The following TMEM132B variants were observed in gnomAD, a reference collection of about 807,000 sequenced individuals.
TMEM132B encodes transmembrane protein 132B.
In TMEM132B, 18 loss-of-function variants were observed where a neutral mutation model predicts 90.8. The observed-to-expected ratio is 0.20, with a 90% CI of 0.14 to 0.29. TMEM132B has a LOEUF of 0.29. Ranked by LOEUF, TMEM132B falls within the 10% of genes least tolerant of loss-of-function variation. The pLI is 1.00. For missense variants in TMEM132B, 1,096 were observed against 1,326.8 expected (o/e 0.83, Z 2.70); for synonymous variants, 504 against 523.3 (o/e 0.96, Z 0.50).
intron 3 of TMEM132B, among the ~76,000 whole-genome samples, chr12:125,463,762 T>C (rs1348821469): frequency 1.3e-5 from 2 of 152,190 alleles, no homozygotes; most frequent in Non-Finnish European, 2.9e-5. Flanking sequence ...TTAATATTCA[T>C]CCCTATTAGT....
chr12:125,584,535 A>AT (rs972657241), intron 5 of TMEM132B: 1 of 152,740 alleles, frequency 6.5e-6, no homozygotes, highest in Non-Finnish European at 1.5e-5. Context: ...GGTGTATTAC[A>AT]TTTTTTGTTA....
rs117959696 is a variant in TMEM132B, at chr12:125,434,224, G to C, written c.1106+18547G>C. ...CAGCCACGGTCACGTCTCATTCTCC[G>C]ACCCTGACGCTCCTGTCCCCCTCTA... is the stretch of plus-strand genomic sequence containing the variant. On this transcript the variant is annotated intron_variant, in intron 3 of 8. Transcript: ENST00000682704. Among the ~76,000 whole-genome samples the C allele has an allele frequency of 4.6e-3, 698 of 152,186 alleles. 14 individuals are homozygous for C. The East Asian group carries it at 0.047, about 10-fold the overall frequency.
intron 2 of TMEM132B, among the ~76,000 whole-genome samples, chr12:125,367,580 G>A (rs1463117646): frequency 1.6e-4 from 25 of 152,008 alleles, no homozygotes; most frequent in Non-Finnish European, 1.5e-5. Flanking sequence ...AATCCCAACT[G>A]CATTTTTTTC....
chr12:125,293,001 T>A (rs1340937003), intron 1 of TMEM132B, among the ~76,000 whole-genome samples: 1 of 152,222 alleles, frequency 6.6e-6, no homozygotes, highest in East Asian at 1.9e-4. Context: ...GAACAATGGA[T>A]ATTTAATTGA....
chr12:125,252,483 G>A (rs1266625738), intron 1 of TMEM132B, among the ~76,000 whole-genome samples: 1 of 152,184 alleles, frequency 6.6e-6, no homozygotes, highest in East Asian at 1.9e-4. Context: ...ACAAGCAGGT[G>A]TCGTGCGCTG....
At chr12:125,211,826 T>G (rs1391263050) in intron 1 of TMEM132B, among the ~76,000 whole-genome samples, 2 of 152,238 alleles carry the variant, frequency 1.3e-5, no homozygotes, top group Non-Finnish European at 2.9e-5. Context: ...TGACCCTGCC[T>G]TTAACCATCT....
chr12:125,216,929 G>T (rs1356591904), intron 1 of TMEM132B, among the ~76,000 whole-genome samples: 1 of 152,212 alleles, frequency 6.6e-6, no homozygotes, highest in Non-Finnish European at 1.5e-5. Flanking sequence ...GTGGCCACTG[G>T]CTGCGATCTT....
At chr12:125,300,426 T>G (rs906315340) in intron 1 of TMEM132B, among the ~76,000 whole-genome samples, 1 of 152,092 alleles carries the variant, frequency 6.6e-6, no homozygotes, top group Non-Finnish European at 1.5e-5. Flanking sequence ...AGCCCCCAAG[T>G]GGCATCAGAT....
intron 4 of TMEM132B, among the ~76,000 whole-genome samples, chr12:125,563,147 GTAATAATAATAATAATAATAA>G (rs143547141): frequency 5.8e-5 from 8 of 138,432 alleles, no homozygotes; most frequent in Non-Finnish European, 1.1e-4. Flanking sequence ...ACCATAATGC[GTAATAATAATAATAATAATAA>G]TAATAATAAT....
intron 1 of TMEM132B, among the ~76,000 whole-genome samples, chr12:125,331,134 G>T (rs1876755656): frequency 6.6e-6 from 1 of 152,226 alleles, no homozygotes; most frequent in African/African-American, 2.4e-5. Flanking sequence ...TGCGGAGGAG[G>T]GAGCCGGACT....
intron 4 of TMEM132B, among the ~76,000 whole-genome samples, chr12:125,554,334 A>T (rs987167402): frequency 6.9e-6 from 1 of 145,100 alleles, no homozygotes; most frequent in South Asian, 2.4e-4. Context: ...CTGAGGCAGG[A>T]GAATGGCGTG....
intron 1 of TMEM132B, among the ~76,000 whole-genome samples, chr12:125,316,327 G>T (rs1032697972): frequency 2.0e-5 from 3 of 152,152 alleles, no homozygotes; most frequent in Admixed American, 1.3e-4. Context: ...AGCTCCTGGT[G>T]GGGGGCGGGA....
chr12:125,208,191 A>G (rs1376475136), intron 1 of TMEM132B, among the ~76,000 whole-genome samples: 3 of 152,202 alleles, frequency 2.0e-5, no homozygotes, highest in African/African-American at 7.2e-5. Context: ...TGTAACTAGT[A>G]TCAGTTAGGC....
chr12:125,350,970 T>G (rs2136234668), intron 2 of TMEM132B, among the ~76,000 whole-genome samples: 1 of 152,370 alleles, frequency 6.6e-6, no homozygotes, highest in Non-Finnish European at 1.5e-5. Flanking sequence ...GCTAGCCTTA[T>G]GCTGCTAGAA....
chr12:125,485,371 G>T (rs1290066069), intron 3 of TMEM132B, among the ~76,000 whole-genome samples: 1 of 151,818 alleles, frequency 6.6e-6, no homozygotes, highest in Non-Finnish European at 1.5e-5. Context: ...CTTTCATTCC[G>T]CCACCACAAC....
chr12:125,221,543 A>G (rs953317849), intron 1 of TMEM132B, among the ~76,000 whole-genome samples: 1 of 152,236 alleles, frequency 6.6e-6, no homozygotes, highest in African/African-American at 2.4e-5. Flanking sequence ...CAAATGTTCA[A>G]ACAACCACAG....
At chr12:125,193,527 C>T (rs1464829200) in intron 1 of TMEM132B, among the ~76,000 whole-genome samples, 1 of 152,114 alleles carries the variant, frequency 6.6e-6, no homozygotes, top group East Asian at 1.9e-4. Flanking sequence ...CAATGCAAGG[C>T]GATATGATGA....
At chr12:125,255,786 G>A (rs1357285488) in intron 1 of TMEM132B, among the ~76,000 whole-genome samples, 1 of 152,162 alleles carries the variant, frequency 6.6e-6, no homozygotes, top group Non-Finnish European at 1.5e-5. Context: ...ATGTGTCTGA[G>A]GGAAAACGAC....
At chr12:125,515,582 C>T (rs1883119929) in intron 3 of TMEM132B, among the ~76,000 whole-genome samples, 2 of 151,754 alleles carry the variant, frequency 1.3e-5, no homozygotes, top group South Asian at 2.1e-4. Flanking sequence ...CACACACACA[C>T]ATTCCCTCTC....
Sources: allele counts gnomAD v4.1 joint callset (sites outside exome capture counted in the v4.1 genomes callset), GRCh38; gene constraint gnomAD v4.1.1; transcripts MANE v1.5; gene names NCBI Gene and HGNC (gene_info 2026-07-23, HGNC 2026-07-21).